CSMD2: variants seen among roughly 807,000 people sequenced by gnomAD.
CSMD2 encodes the protein CUB and sushi domain-containing protein 2.
Under a neutral mutation model 398.5 loss-of-function variants are expected in CSMD2, and 130 were observed. That is an observed-to-expected ratio of 0.33 (90% CI 0.28 to 0.38). The LOEUF (loss-of-function observed/expected upper bound fraction) is 0.38, where lower values mean the gene tolerates loss of function less well. Among genes scored for constraint, CSMD2 ranks in the 10% least tolerant of loss-of-function variants. The pLI, the probability that CSMD2 is intolerant of heterozygous loss-of-function variation, is 1.00. For synonymous variants in CSMD2, 1,828 were observed against 1,908.5 expected (o/e 0.96, Z 1.10); for missense variants, 3,829 against 4,764.9 (o/e 0.80, Z 5.78).
chr1:33,819,530 C>T (rs148921460), intron 9 of CSMD2, among the ~76,000 whole-genome samples, 183 bp downstream of exon 9: 127 of 152,292 alleles, frequency 8.3e-4, no homozygotes, highest in South Asian at 5.8e-3. Context: ...CTGATCCTAG[C>T]GCAGGCCTTG....
intron 15 of CSMD2, among the ~76,000 whole-genome samples, chr1:33,727,627 A>G (rs1021189277): frequency 6.6e-6 from 1 of 152,172 alleles, no homozygotes; most frequent in Non-Finnish European, 1.5e-5. Flanking sequence ...ATCTGCACAC[A>G]GTTTCCTTTT....
intron 3 of CSMD2, among the ~76,000 whole-genome samples, chr1:33,960,362 A>G (rs1645313863): frequency 6.6e-6 from 1 of 152,192 alleles, no homozygotes. Context: ...TCAACACACA[A>G]AATCCACGGG....
At chr1:33,920,959 A>G in intron 4 of CSMD2, among the ~76,000 whole-genome samples, 1 of 152,202 alleles carries the variant, frequency 6.6e-6, no homozygotes, top group East Asian at 1.9e-4. Context: ...AGGGTGTTTT[A>G]GGCAGAAAAA....
At chr1:33,976,147 G>C (rs78951021) in intron 3 of CSMD2, among the ~76,000 whole-genome samples, 10,510 of 152,254 alleles carry the variant, frequency 0.069, 866 homozygotes, top group African/African-American at 0.2. Flanking sequence ...GACTTTCAGA[G>C]CTAGCTCAGG....
chr1:34,165,341 C>T (rs938939022), upstream of CSMD2: 8 of 1,201,778 alleles, frequency 6.7e-6, no homozygotes, highest in East Asian at 2.5e-4. Context: ...GTGAATTATC[C>T]CCGGATTAAT....
intron 13 of CSMD2, among the ~76,000 whole-genome samples, chr1:33,763,153 T>C (rs1342067974): frequency 6.6e-6 from 1 of 152,164 alleles, no homozygotes; most frequent in Non-Finnish European, 1.5e-5. Context: ...GAAAAAAGTC[T>C]CTTGGCATGA....
At chr1:33,700,197 T>C (rs1424918426) in intron 23 of CSMD2, among the ~76,000 whole-genome samples, 1 of 152,050 alleles carries the variant, frequency 6.6e-6, no homozygotes, top group African/African-American at 2.4e-5. Context: ...TTAGTAGAGA[T>C]GGGGTTTCAC....
In CSMD2 at chr1:33,602,540, C is replaced by T; in HGVS notation, c.6539G>A (p.Cys2180Tyr). 1 of 1,598,988 alleles carries T rather than the reference C, an allele frequency of 6.3e-7. No individual in the cohort carries two copies. The highest frequency in any genetic ancestry group is 8.5e-7 in the Non-Finnish European group (1 of 1,172,266). The change falls in exon 43 of 71, where the codon TGT (cysteine) becomes TAT (tyrosine). Residue 2180 changes from cysteine (C) to tyrosine (Y), a missense_variant. Cys to Tyr is a radical substitution (Grantham distance 194). Coordinates refer to ENST00000373381, the MANE Select transcript of CSMD2 (RefSeq NM_001281956.2). ...DHPLPKCEVP[C>Y]GGNITSSNGT... The stretch of plus-strand genomic sequence containing the variant: ...GTTGGAAGAAGTGATGTTCCCGCCA[C>T]AAGGGACTGCCAGGGAGGGAACACA...
In CSMD2 at chr1:34,133,674, A is replaced by G. The variant is rs10914873; in HGVS notation, c.187+31237T>C. 1.8e-3 allele frequency among the ~76,000 whole-genome samples: 270 copies of G among 152,050 alleles called. 1 individual carries two copies. Among genetic ancestry groups the G allele is most frequent in the African/African-American group, 6.1e-3 (254 of 41,476 alleles). On this transcript the variant is annotated intron_variant, in intron 1 of 70. Coordinates refer to ENST00000373381, the MANE Select transcript of CSMD2 (RefSeq NM_001281956.2). The stretch of plus-strand genomic sequence containing the variant: ...TTAGCCCATAGTTACAGGTTGTGCA[A>G]AAGGCTATGTTTCACACTTTCCCAT...
At chr1:34,025,889 G>A (rs954779507) in intron 3 of CSMD2, among the ~76,000 whole-genome samples, 2 of 152,280 alleles carry the variant, frequency 1.3e-5, no homozygotes, top group South Asian at 2.1e-4. Flanking sequence ...GACACACCAC[G>A]AACAGCTGGA....
intron 3 of CSMD2, among the ~76,000 whole-genome samples, chr1:33,955,356 G>A (rs1645133246): frequency 6.6e-6 from 1 of 152,204 alleles, no homozygotes; most frequent in Non-Finnish European, 1.5e-5. Flanking sequence ...TGAGCATGGA[G>A]CATCCTGGGG....
At position 33,716,474 on chromosome 1, in the gene CSMD2, T is replaced by C; in HGVS notation, c.3029A>G (p.His1010Arg). 1 of 1,613,436 alleles carries C rather than the reference T, an allele frequency of 6.2e-7. No individual in the cohort carries two copies. The highest frequency in any genetic ancestry group is 1.3e-5 in the African/African-American group (1 of 74,982). The change falls in exon 20 of 71, where the codon CAC (histidine) becomes CGC (arginine). Residue 1010 changes from histidine to arginine, a missense_variant. His to Arg is a conservative substitution (Grantham distance 29). Coordinates refer to ENST00000373381, the MANE Select transcript of CSMD2 (RefSeq NM_001281956.2). ...GAGGTAGTCATGGCCACTTTCCAGG[T>C]GGAAGGTGTGGAAAGTGAAGAACAC... is the stretch of plus-strand genomic sequence containing the variant. ...KGVFFTFHTF[H>R]LESGHDYLLI... is the part of the protein sequence containing the mutation.
chr1:33,550,382 C>A (rs768906648), intron 55 of CSMD2, 32 bp from the exon 56 acceptor site: 1 of 1,602,556 alleles, frequency 6.2e-7, no homozygotes, highest in Non-Finnish European at 8.5e-7. Context: ...CTCAATGACT[C>A]TGCACAGGGA....
chr1:33,588,342 A>C (rs1308959363), intron 44 of CSMD2, among the ~76,000 whole-genome samples: 2 of 152,112 alleles, frequency 1.3e-5, no homozygotes, highest in African/African-American at 2.4e-5. Context: ...AATTTAAAAT[A>C]AAGCTGCAAT....
chr1:34,140,237 A>C (rs1333081827), intron 1 of CSMD2, among the ~76,000 whole-genome samples: 1 of 149,318 alleles, frequency 6.7e-6, no homozygotes, highest in Non-Finnish European at 1.5e-5. Flanking sequence ...AACTTGAGCC[A>C]TGGTTAATGC....
chr1:33,925,225 T>C lies in CSMD2; in HGVS notation c.713-6924A>G, dbSNP rs553042200. ...CTAATTCATTTTAAGTTGATTTTTGTATATGGTGAGAGATGGGTGTTTAGT... is the reference window on the plus strand; with the variant it reads ...CTAATTCATTTTAAGTTGATTTTTGCATATGGTGAGAGATGGGTGTTTAGT... On this transcript the variant is annotated intron_variant, in intron 4 of 70. Transcript: ENST00000373381. Among the ~76,000 whole-genome samples the C allele has an allele frequency of 2.3e-3, 346 of 152,312 alleles. 1 individual carries two copies. The highest frequency in any genetic ancestry group is 7.8e-3 in the African/African-American group (325 of 41,558).
intron 3 of CSMD2, among the ~76,000 whole-genome samples, chr1:33,952,221 C>T (rs1425950372): frequency 2.0e-5 from 3 of 152,116 alleles, no homozygotes; most frequent in Admixed American, 6.5e-5. Flanking sequence ...ATAGCTAAAG[C>T]CAGAACAGGA....
chr1:33,693,097 TG>T (rs1645297869), intron 24 of CSMD2, 41 bp from the exon 25 acceptor site: 3 of 1,552,372 alleles, frequency 1.9e-6, no homozygotes, highest in Non-Finnish European at 1.7e-6. Flanking sequence ...TGGGGTGGCC[TG>T]AGCTGCCAGC....
chr1:33,913,678 C>T (rs1643578903), intron 5 of CSMD2, among the ~76,000 whole-genome samples: 1 of 152,202 alleles, frequency 6.6e-6, no homozygotes, highest in Admixed American at 6.5e-5. Flanking sequence ...CCAAGTGTCT[C>T]TGCTGACTCC....
Sources: allele counts gnomAD v4.1 joint callset (sites outside exome capture counted in the v4.1 genomes callset), GRCh38; gene constraint gnomAD v4.1.1; transcripts MANE v1.5; gene names NCBI Gene and HGNC (gene_info 2026-07-23, HGNC 2026-07-21).